Variants in GNG7 observed in about 807,000 individuals in gnomAD.
The protein encoded by GNG7 is G protein subunit gamma 7, also known as guanine nucleotide-binding protein G(I)/G(S)/G(O) subunit gamma-7.
Under a neutral mutation model 4.0 loss-of-function variants are expected in GNG7, and 1 was observed. That is an observed-to-expected ratio of 0.25 (90% confidence interval 0.09 to 1.18). GNG7 has a LOEUF of 1.18. GNG7 is among the 50% of genes most tolerant of loss of function. The probability of loss-of-function intolerance (pLI) is 0.50; values close to 1 mark genes in which losing one functional copy is unlikely to be tolerated. For missense variants in GNG7, 86 were observed against 91.9 expected (o/e 0.94, Z 0.26); for synonymous variants, 34 against 36.9 (o/e 0.92, Z 0.29).
At chr19:2,565,239 C>T (rs1979864496) in intron 2 of GNG7, among the ~76,000 whole-genome samples, 1 of 152,108 alleles carries the variant, frequency 6.6e-6, no homozygotes, top group African/African-American at 2.4e-5. Context: ...GTGCCAGGCG[C>T]GGTGGCTCAC....
intron 2 of GNG7, among the ~76,000 whole-genome samples, chr19:2,579,882 A>G (rs1468085878): frequency 6.6e-6 from 1 of 152,182 alleles, no homozygotes; most frequent in African/African-American, 2.4e-5. Flanking sequence ...TCTGGAGGCC[A>G]GAAGTCCAAA....
chr19:2,524,480 G>A (rs887177839), intron 3 of GNG7, among the ~76,000 whole-genome samples: 2 of 152,228 alleles, frequency 1.3e-5, no homozygotes, highest in Non-Finnish European at 2.9e-5. Context: ...ATGTATGTGT[G>A]TATGTGTATA....
intron 2 of GNG7, among the ~76,000 whole-genome samples, chr19:2,629,417 C>T (rs1413963339): frequency 6.6e-6 from 1 of 152,146 alleles, no homozygotes; most frequent in Non-Finnish European, 1.5e-5. Flanking sequence ...AATAGGAGGT[C>T]CCCAAGGACA....
At chr19:2,652,197 C>T (rs531217689) in intron 1 of GNG7, among the ~76,000 whole-genome samples, 2 of 151,946 alleles carry the variant, frequency 1.3e-5, no homozygotes, top group East Asian at 2.0e-4. Context: ...TTAAAATATT[C>T]GCATGCCATA....
Position 2,604,027 on chromosome 19 carries a change from T to C in GNG7, c.-78+42197A>G, listed in dbSNP as rs556934052. On this transcript the variant is annotated intron_variant, in intron 2 of 4. Transcript: ENST00000382159. ...CACCACGCCCCGCTAATTTTTTGTA[T>C]TTTTAGTAGAGACGGGGTTTCACTG... 2.2e-4 allele frequency among the ~76,000 whole-genome samples: 34 copies of C among 152,108 alleles called. No individual in the cohort carries two copies. In the East Asian group the frequency reaches 6.4e-3, roughly 29 times the overall value.
At chr19:2,555,238 A>G (rs1979507658) in intron 2 of GNG7, 50 bp from the exon 3 acceptor site, 1 of 152,192 alleles carries the variant, frequency 6.6e-6, no homozygotes, top group African/African-American at 2.4e-5. Context: ...CATATTTTTT[A>G]CTTACAAGGA....
intron 2 of GNG7, among the ~76,000 whole-genome samples, chr19:2,603,433 C>T (rs976533909): frequency 2.0e-5 from 3 of 152,328 alleles, no homozygotes; most frequent in Middle Eastern, 3.4e-3. Context: ...GGGGAACCCC[C>T]GGAGCTTCTC....
At chr19:2,529,088 C>G (rs749808754) in intron 3 of GNG7, among the ~76,000 whole-genome samples, 5 of 152,338 alleles carry the variant, frequency 3.3e-5, no homozygotes, top group African/African-American at 1.2e-4. Context: ...CCCCCACCGC[C>G]GGCCCTGGAG....
chr19:2,695,297 G>T (rs903850382), intron 1 of GNG7, among the ~76,000 whole-genome samples: 1 of 151,532 alleles, frequency 6.6e-6, no homozygotes, highest in Non-Finnish European at 1.5e-5. Context: ...CCCCCTGGAC[G>T]ACTTCTTATC....
At chr19:2,588,874 G>A (rs1208169315) in intron 2 of GNG7, among the ~76,000 whole-genome samples, 1 of 152,150 alleles carries the variant, frequency 6.6e-6, no homozygotes, top group Non-Finnish European at 1.5e-5. Context: ...CTTCCCAGGT[G>A]CTCAGGTGTG....
chr19:2,538,184 C>T (rs547511923), intron 3 of GNG7: 140 of 456,600 alleles, frequency 3.1e-4, no homozygotes, highest in African/African-American at 2.2e-3. Context: ...TATCTTCTGA[C>T]GATGATGACT....
intron 2 of GNG7, among the ~76,000 whole-genome samples, chr19:2,628,034 C>T (rs938219533): frequency 2.0e-5 from 3 of 152,298 alleles, no homozygotes; most frequent in South Asian, 4.1e-4. Flanking sequence ...ACCCTGGGCA[C>T]GTCAGCCCCT....
chr19:2,593,589 C>T, intron 2 of GNG7, among the ~76,000 whole-genome samples: 1 of 151,778 alleles, frequency 6.6e-6, no homozygotes, highest in African/African-American at 2.4e-5. Flanking sequence ...ACTAAAAATA[C>T]AAAAATTAGC....
At chr19:2,590,588 TCCACCCAC>T (rs1188704060) in intron 2 of GNG7, among the ~76,000 whole-genome samples, 4 of 120,910 alleles carry the variant, frequency 3.3e-5, no homozygotes, top group Non-Finnish European at 4.9e-5. Context: ...CATCCATCCA[TCCACCCAC>T]CCACCCACCC....
rs1284725516 is a variant in GNG7 at position 2,546,649 on chromosome 19, G to C, written c.-38+8500C>G. ...GGGGCAGGTCCCGCCGCTGCCTTCA[G>C]CCGGAGCTTGGAGCCTAAGAATGAG... On this transcript the variant is annotated intron_variant, in intron 3 of 4. Coordinates refer to ENST00000382159, the MANE Select transcript of GNG7 (RefSeq NM_052847.3). The surrounding 1 kb of genome is among the most constrained non-coding windows in gnomAD (Gnocchi z 6.3). 3.9e-5 allele frequency among the ~76,000 whole-genome samples: 6 copies of C among 152,194 alleles called. No homozygotes were observed. The highest frequency in any genetic ancestry group is 6.5e-5 in the Admixed American group (1 of 15,274).
chr19:2,556,235 C>T (rs898056590), intron 2 of GNG7, among the ~76,000 whole-genome samples: 1 of 152,246 alleles, frequency 6.6e-6, no homozygotes, highest in African/African-American at 2.4e-5. Flanking sequence ...CTTGGAGAAG[C>T]CAGGAGCTGC....
intron 1 of GNG7, among the ~76,000 whole-genome samples, chr19:2,697,151 G>A (rs1913286575): frequency 2.0e-5 from 3 of 152,188 alleles, no homozygotes. Context: ...AGGGATGTTT[G>A]CACAGCTGAT....
At chr19:2,612,465 C>A (rs1374897052) in intron 2 of GNG7, among the ~76,000 whole-genome samples, 1 of 152,094 alleles carries the variant, frequency 6.6e-6, no homozygotes, top group Non-Finnish European at 1.5e-5. Flanking sequence ...GTGACCCAGC[C>A]TGGGAGAGGG....
intron 2 of GNG7, among the ~76,000 whole-genome samples, chr19:2,620,249 G>A (rs1981832118): frequency 7.0e-6 from 1 of 142,880 alleles, no homozygotes; most frequent in South Asian, 2.3e-4. Context: ...GGGGAGGGGA[G>A]GGGAGGGGAG....
Sources: allele counts gnomAD v4.1 joint callset (sites outside exome capture counted in the v4.1 genomes callset), GRCh38; gene constraint gnomAD v4.1.1; non-coding constraint Gnocchi (gnomAD v3.1); transcripts MANE v1.5; gene names NCBI Gene and HGNC (gene_info 2026-07-23, HGNC 2026-07-21).